Variants in ROS1 observed in about 807,000 individuals in gnomAD.
ROS1 encodes the protein ROS proto-oncogene 1, receptor tyrosine kinase.
In ROS1, 263 loss-of-function variants were observed where a neutral mutation model predicts 273.5. The observed-to-expected ratio is 0.96, with a 90% CI of 0.87 to 1.06. The LOEUF (loss-of-function observed/expected upper bound fraction) is 1.06, where lower values mean the gene tolerates loss of function less well. Ranked by LOEUF, ROS1 falls within the 50% of genes least tolerant of loss-of-function variation. The pLI, the probability that ROS1 is intolerant of heterozygous loss-of-function variation, is 0.00. For missense variants in ROS1, 2,833 were observed against 2,751.1 expected, an observed-to-expected ratio of 1.03 and a Z score of -0.67; for synonymous variants, 1,008 against 954.1, an observed-to-expected ratio of 1.06 and a Z score of -1.04.
rs747618055 is a variant in ROS1 at position 117,385,862 on chromosome 6, C to T, written c.2111-1G>A. The T allele has an allele frequency of 2.6e-5, 42 of 1,613,176 alleles. 1 individual carries two copies. In the South Asian group the frequency reaches 4.3e-4, roughly 16 times the overall value. Reference sequence around the variant, plus strand: ...AGGCTGTTGTTATACCAATCCATGTCTCAAAATAAAGTGAATGATTAGCAG... The same window carrying T: ...AGGCTGTTGTTATACCAATCCATGTTTCAAAATAAAGTGAATGATTAGCAG... On this transcript the variant is annotated splice_acceptor_variant, in intron 15 of 43. Coordinates refer to ENST00000368507, the MANE Select transcript of ROS1 (RefSeq NM_001378902.1). LOFTEE classifies it high-confidence loss of function.
chr6:117,308,660 A>G (rs1775300272), intron 42 of ROS1, 134 bp downstream of exon 42: 1 of 768,582 alleles, frequency 1.3e-6, no homozygotes, highest in Admixed American at 3.3e-5. Context: ...ATGAATTGAT[A>G]TTTTATGTGG....
At chr6:117,328,481 T>G (rs1776807635) in intron 33 of ROS1, 3 of 317,578 alleles carry the variant, frequency 9.4e-6, no homozygotes, top group East Asian at 4.6e-5. Flanking sequence ...TTCAAGGAGG[T>G]TTCAATTAGA....
chr6:117,388,144 T>C, intron 13 of ROS1, 152 bp from the exon 14 acceptor site: 1 of 1,209,618 alleles, frequency 8.3e-7, no homozygotes, highest in Non-Finnish European at 1.2e-6. Flanking sequence ...AGGGATCATT[T>C]GTTGATGAGG....
Position 117,385,753 on chromosome 6 carries a change from A to C in ROS1, c.2219T>G (p.Ile740Ser). ...AAAAGCTAAAGCCCCTGCTCCTGCA[A>C]TGCTGGGTAGGTGATAATTCTCTGA... ...DISENYHLPS[I>S]AGAGALAFEW... Residue 740 changes from isoleucine (I) to serine (S), a missense_variant, in exon 16 of 44, where the codon ATT becomes AGT. Physicochemically the swap from Ile to Ser is moderately radical, Grantham distance 142. Coordinates refer to ENST00000368507, the MANE Select transcript of ROS1 (RefSeq NM_001378902.1). The C allele has an allele frequency of 6.2e-7, 1 of 1,614,212 alleles. No individual in the cohort carries two copies. The highest frequency in any genetic ancestry group is 8.5e-7 in the Non-Finnish European group (1 of 1,180,026).
chr6:117,321,704 C>A (rs934461544), intron 35 of ROS1, among the ~76,000 whole-genome samples: 2 of 151,916 alleles, frequency 1.3e-5, no homozygotes, highest in African/African-American at 4.8e-5. Flanking sequence ...GTCAAAATCA[C>A]CCATAAACGA....
intron 14 of ROS1, 59 bp downstream of exon 14, chr6:117,387,721 G>C: frequency 6.5e-7 from 1 of 1,546,682 alleles, no homozygotes; most frequent in Non-Finnish European, 8.7e-7. Context: ...AATTTAAAGG[G>C]CACTCAGCTA....
At chr6:117,333,124 C>T (rs950911906) in intron 32 of ROS1, among the ~76,000 whole-genome samples, 4 of 150,474 alleles carry the variant, frequency 2.7e-5, no homozygotes, top group Non-Finnish European at 4.4e-5. Flanking sequence ...AAGAAGGAGA[C>T]AGAGAAGAAT....
chr6:117,403,818 T>TAAAA (rs1774156582), intron 6 of ROS1, among the ~76,000 whole-genome samples: 2 of 152,232 alleles, frequency 1.3e-5, no homozygotes, highest in African/African-American at 4.8e-5. Flanking sequence ...AGCCTTAATG[T>TAAAA]TAAGGCTTAG....
chr6:117,418,650 G>A, intron 1 of ROS1, 144 bp from the exon 2 acceptor site: 1 of 553,912 alleles, frequency 1.8e-6, no homozygotes, highest in Non-Finnish European at 3.2e-6. Context: ...TGTTTTAGAG[G>A]CATTAAATTC....
At position 117,337,079 on chromosome 6, in the gene ROS1, A is replaced by C. The variant is rs2128616209; in HGVS notation, c.5230+93T>G. 3 of 1,010,126 alleles carry C rather than the reference A, an allele frequency of 3.0e-6. 1 individual carries two copies. In the South Asian group the frequency reaches 4.7e-5, roughly 16 times the overall value. 62.6% of individuals were successfully genotyped at this position (1,010,126 alleles called of 1,614,324 possible). On this transcript the variant is annotated intron_variant, in intron 32 of 43. Transcript: ENST00000368507. ...AATAATAATGTACTGCTTTTAAAGA[A>C]CAATTTCATATATCTCTAGGATTAG... is the stretch of plus-strand genomic sequence containing the variant.
intron 6 of ROS1, among the ~76,000 whole-genome samples, 189 bp from the exon 7 acceptor site, chr6:117,403,466 T>C (rs756001944): frequency 1.1e-4 from 16 of 152,192 alleles, no homozygotes; most frequent in Non-Finnish European, 2.2e-4. Flanking sequence ...CCCTTCAAAA[T>C]AGCAAAATTA....
At chr6:117,336,047 T>A (rs1777437141) in intron 32 of ROS1, among the ~76,000 whole-genome samples, 1 of 152,152 alleles carries the variant, frequency 6.6e-6, no homozygotes, top group African/African-American at 2.4e-5. Context: ...TAGTGATGGA[T>A]TTGATGAATT....
intron 32 of ROS1, among the ~76,000 whole-genome samples, chr6:117,336,378 C>T (rs1170945993): frequency 1.3e-5 from 2 of 151,810 alleles, no homozygotes; most frequent in Non-Finnish European, 2.9e-5. Context: ...TGTGTCCATG[C>T]GTTCTCATTG....
chr6:117,373,414 T>C (rs954687427), intron 18 of ROS1, among the ~76,000 whole-genome samples: 2 of 152,198 alleles, frequency 1.3e-5, no homozygotes, highest in Non-Finnish European at 2.9e-5. Context: ...AGGATGCAGG[T>C]CCCGAGCCTT....
At chr6:117,419,805 G>C (rs1368040663) in intron 1 of ROS1, among the ~76,000 whole-genome samples, 1 of 152,154 alleles carries the variant, frequency 6.6e-6, no homozygotes, top group Non-Finnish European at 1.5e-5. Context: ...TAGTCACACT[G>C]TAACGGTAGT....
At chr6:117,424,575 C>T (rs997992073) in intron 1 of ROS1, among the ~76,000 whole-genome samples, 5 of 151,878 alleles carry the variant, frequency 3.3e-5, no homozygotes, top group South Asian at 4.2e-4. Context: ...CTAAAGCATG[C>T]AATTCTATAT....
intron 1 of ROS1, 76 bp from the exon 2 acceptor site, chr6:117,418,582 G>C: frequency 5.4e-6 from 6 of 1,112,694 alleles, no homozygotes; most frequent in Non-Finnish European, 7.6e-6. Flanking sequence ...TTTTAAAAAA[G>C]CTTCCTGAAA....
intron 42 of ROS1, chr6:117,301,879 G>C (rs752409082): frequency 4.6e-5 from 7 of 152,100 alleles, no homozygotes; most frequent in Non-Finnish European, 8.8e-5. Flanking sequence ...ATTCACAGCT[G>C]GTTAATTAAA....
chr6:117,406,430 T>C (rs1056071485), intron 5 of ROS1, among the ~76,000 whole-genome samples: 1 of 152,148 alleles, frequency 6.6e-6, no homozygotes, highest in Non-Finnish European at 1.5e-5. Flanking sequence ...ACTATAGATA[T>C]GGTCTTTAAG....
Sources: gnomAD v4.1 joint callset for allele counts (sites outside exome capture counted in the v4.1 genomes callset) on GRCh38, gnomAD v4.1.1 for gene constraint, MANE v1.5 for transcripts, NCBI Gene and HGNC (gene_info 2026-07-23, HGNC 2026-07-21) for gene names.